MRPL14: variants seen among roughly 807,000 people sequenced by gnomAD.
MRPL14 encodes the protein large ribosomal subunit protein uL14m.
In MRPL14, 8 loss-of-function variants were observed where a neutral mutation model predicts 10.9. That is an observed-to-expected ratio of 0.74 (90% CI 0.43 to 1.33). MRPL14 has a LOEUF of 1.33. Among genes scored for constraint, MRPL14 ranks in the 40% most tolerant of loss-of-function variants. The probability of loss-of-function intolerance (pLI) is 0.01; values close to 1 mark genes in which losing one functional copy is unlikely to be tolerated. For synonymous variants in MRPL14, 82 were observed against 74.1 expected (o/e 1.11, Z -0.54); for missense variants, 179 against 194.5 (o/e 0.92, Z 0.47).
chr6:44,120,093 A>G (rs1352410949), intron 1 of MRPL14, among the ~76,000 whole-genome samples: 1 of 152,126 alleles, frequency 6.6e-6, no homozygotes, highest in African/African-American at 2.4e-5. Context: ...CACCTTGCTC[A>G]CAAGCCATCT....
intron 1 of MRPL14, among the ~76,000 whole-genome samples, chr6:44,118,236 TTGGTTTACCATC>T (rs71658452): frequency 0.023 from 3,548 of 152,264 alleles, 65 homozygotes; most frequent in Non-Finnish European, 0.038. Context: ...CTGTTGAGCT[TTGGTTTACCATC>T]TGTAACACAG....
chr6:44,114,535 A>C (rs1267869436), intron 2 of MRPL14, among the ~76,000 whole-genome samples: 2 of 152,258 alleles, frequency 1.3e-5, no homozygotes, highest in African/African-American at 4.8e-5. Flanking sequence ...TAAGGACTTA[A>C]AGGAATCCCT....
intron 1 of MRPL14, among the ~76,000 whole-genome samples, chr6:44,123,008 G>A (rs1190093736): frequency 6.6e-6 from 1 of 152,180 alleles, no homozygotes; most frequent in Admixed American, 6.5e-5. Flanking sequence ...AGTTTGGTGT[G>A]TGCGTGGTTT....
intron 1 of MRPL14, among the ~76,000 whole-genome samples, chr6:44,125,800 G>T (rs1776952642): frequency 6.6e-6 from 1 of 151,366 alleles, no homozygotes; most frequent in African/African-American, 2.4e-5. Flanking sequence ...TTCCACACAA[G>T]CAACAGATTA....
intron 1 of MRPL14, among the ~76,000 whole-genome samples, chr6:44,124,200 A>T (rs1239997317): frequency 1.3e-5 from 2 of 152,038 alleles, no homozygotes; most frequent in Non-Finnish European, 2.9e-5. Context: ...AGTGTGAAAA[A>T]GTTAAAGAAT....
intron 1 of MRPL14, among the ~76,000 whole-genome samples, chr6:44,117,430 A>G (rs1011674201): frequency 6.6e-6 from 1 of 152,188 alleles, no homozygotes; most frequent in Non-Finnish European, 1.5e-5. Context: ...ACTTCAGAGC[A>G]TGCTTCAGAA....
At chr6:44,115,161 G>A (rs997339530) in intron 2 of MRPL14, among the ~76,000 whole-genome samples, 20 of 148,440 alleles carry the variant, frequency 1.3e-4, no homozygotes, top group East Asian at 1.2e-3. Flanking sequence ...TGGTGTTTCC[G>A]CAGGGTAATC....
intron 2 of MRPL14, among the ~76,000 whole-genome samples, chr6:44,114,816 A>G (rs1775686401): frequency 1.3e-5 from 2 of 152,090 alleles, no homozygotes; most frequent in Non-Finnish European, 2.9e-5. Flanking sequence ...TCACCGTGTT[A>G]GCCAGGATGG....
At chr6:44,124,965 T>G (rs1352758631) in intron 1 of MRPL14, among the ~76,000 whole-genome samples, 1 of 151,970 alleles carries the variant, frequency 6.6e-6, no homozygotes, top group Admixed American at 6.6e-5. Context: ...CCCAAAGACA[T>G]AAATGGAGCA....
At chr6:44,120,012 T>A (rs1318737997) in intron 1 of MRPL14, among the ~76,000 whole-genome samples, 1 of 152,034 alleles carries the variant, frequency 6.6e-6, no homozygotes, top group Admixed American at 6.6e-5. Context: ...GACTCAGGTA[T>A]CATCACAAAG....
chr6:44,121,956 C>T (rs1562100734), intron 1 of MRPL14, among the ~76,000 whole-genome samples: 1 of 149,426 alleles, frequency 6.7e-6, no homozygotes. Context: ...AAAAAAAGAA[C>T]TGATTTATAA....
chr6:44,120,976 A>G (rs756957184), intron 1 of MRPL14, among the ~76,000 whole-genome samples: 1 of 152,146 alleles, frequency 6.6e-6, no homozygotes, highest in Non-Finnish European at 1.5e-5. Flanking sequence ...TACTATGGAA[A>G]ATGCCTGATC....
chr6:44,114,157 C>T lies in MRPL14; in HGVS notation c.124G>A (p.Asp42Asn), dbSNP rs776693804. The T allele has an allele frequency of 2.5e-6, 4 of 1,614,006 alleles. No homozygotes were observed. Among genetic ancestry groups the T allele is most frequent in the Non-Finnish European group, 3.4e-6 (4 of 1,179,948 alleles). Residue 42 changes from aspartate to asparagine, a missense_variant, in exon 3 of 3, where the codon GAC becomes AAC. Asp to Asn is a conservative substitution (Grantham distance 23, BLOSUM62 1). Coordinates refer to ENST00000372014, the MANE Select transcript of MRPL14 (RefSeq NM_032111.4). ...GGGCTGTTCCCCAGGGCACTGTTGT[C>T]CACCACTCGTACCCGCGTCATCTTC... ...IQKMTRVRVV[D>N]NSALGNSPYH...
In MRPL14 at chr6:44,116,646, A is replaced by AG. The variant is rs758558314; in HGVS notation, c.-18-18dup. 3.1e-6 allele frequency: 5 copies of AG among 1,601,416 alleles called. No individual in the cohort carries two copies. The South Asian group carries it at 5.5e-5, about 18-fold the overall frequency. ...AGATAGATCCTGCAGGAAAAACGAG[A>AG]GGGGGAAAAATTGGTTTCTAAGTCA... is the stretch of plus-strand genomic sequence containing the variant. On this transcript the variant is annotated splice_polypyrimidine_tract_variant and intron_variant, in intron 1 of 2. Transcript: ENST00000372014.
At position 44,123,194 on chromosome 6, in the gene MRPL14, T is replaced by C. The variant is rs974706361; in HGVS notation, c.-19+4150A>G. ...AAGGATTTTAAATAGTTCTGCAGGCTCCACAGAGTTGGAGAAATGAAGACA... is the reference window on the plus strand; with the variant it reads ...AAGGATTTTAAATAGTTCTGCAGGCCCCACAGAGTTGGAGAAATGAAGACA... On this transcript the variant is annotated intron_variant, in intron 1 of 2. Transcript: ENST00000372014. Among the ~76,000 whole-genome samples the C allele has an allele frequency of 2.0e-5, 3 of 152,194 alleles. No homozygotes were observed. In the South Asian group the frequency reaches 6.2e-4, roughly 32 times the overall value.
intron 1 of MRPL14, among the ~76,000 whole-genome samples, chr6:44,126,575 G>A (rs1777076420): frequency 6.6e-6 from 1 of 152,184 alleles, no homozygotes; most frequent in Non-Finnish European, 1.5e-5. Flanking sequence ...AGTAGCCTGA[G>A]GTGTCTGTCA....
At position 44,114,176 on chromosome 6, in the gene MRPL14, C is replaced by T. The variant is rs1394581678; in HGVS notation, c.105G>A (p.Met35Ile). The T allele has an allele frequency of 6.8e-6, 11 of 1,612,638 alleles. No homozygotes were observed. Among genetic ancestry groups the T allele is most frequent in the Non-Finnish European group, 9.3e-6 (11 of 1,178,982 alleles). Reference sequence around the variant, plus strand: ...TGTTGTCCACCACTCGTACCCGCGTCATCTTCTGAATCGCACTCAGACTCC... The same window carrying T: ...TGTTGTCCACCACTCGTACCCGCGTTATCTTCTGAATCGCACTCAGACTCC... ...TTGSLSAIQK[M>I]TRVRVVDNSA... The change falls in exon 3 of 3, where the codon ATG (methionine) becomes ATA (isoleucine). Residue 35 changes from methionine (M) to isoleucine (I), a missense_variant. Met to Ile is a conservative substitution (Grantham distance 10). Coordinates refer to ENST00000372014, the MANE Select transcript of MRPL14 (RefSeq NM_032111.4).
intron 1 of MRPL14, 192 bp downstream of exon 1, chr6:44,127,152 T>TCCCCTCCCCGTCGGCACC (rs1777196917): frequency 9.2e-6 from 1 of 108,806 alleles, no homozygotes; most frequent in Non-Finnish European, 2.2e-5. Flanking sequence ...GTAAGGGGCC[T>TCCCCTCCCCGTCGGCACC]CCCCTCCCCG....
intron 1 of MRPL14, among the ~76,000 whole-genome samples, chr6:44,126,393 C>G (rs1411177253): frequency 6.6e-6 from 1 of 152,228 alleles, no homozygotes; most frequent in African/African-American, 2.4e-5. Flanking sequence ...CTTACAGTTG[C>G]ATTCCACAAG....
Sources: gnomAD v4.1 joint callset for allele counts (sites outside exome capture counted in the v4.1 genomes callset) on GRCh38, gnomAD v4.1.1 for gene constraint, MANE v1.5 for transcripts, NCBI Gene and HGNC (gene_info 2026-07-23, HGNC 2026-07-21) for gene names.